RBPJ: variants seen among roughly 807,000 people sequenced by gnomAD.
RBPJ encodes the protein recombination signal binding protein for immunoglobulin kappa J region.
In RBPJ, 9 loss-of-function variants were observed where a neutral mutation model predicts 67.8. That is an observed-to-expected ratio of 0.13 (90% CI 0.08 to 0.23). RBPJ has a LOEUF of 0.23. Among genes scored for constraint, RBPJ ranks in the 10% least tolerant of loss-of-function variants. The probability of loss-of-function intolerance (pLI) is 1.00; values close to 1 mark genes in which losing one functional copy is unlikely to be tolerated. For missense variants in RBPJ, 305 were observed against 595.6 expected, an observed-to-expected ratio of 0.51 and a Z score of 5.08; for synonymous variants, 198 against 203.3, an observed-to-expected ratio of 0.97 and a Z score of 0.22.
At chr4:26,414,140 G>C (rs193060732) in intron 3 of RBPJ, among the ~76,000 whole-genome samples, 1 of 152,140 alleles carries the variant, frequency 6.6e-6, no homozygotes, top group Non-Finnish European at 1.5e-5. Context: ...AGAAGAGAAG[G>C]AAACTACTTC....
At chr4:26,134,929 G>A in the RBPJ span, among the ~76,000 whole-genome samples, 6 of 152,206 alleles carry the variant, frequency 3.9e-5, no homozygotes, top group African/African-American at 1.4e-4. Flanking sequence ...AAGGAAACTC[G>A]CCCTGAGACA....
At chr4:26,399,826 G>A (rs183025566) in intron 2 of RBPJ, among the ~76,000 whole-genome samples, 13 of 152,098 alleles carry the variant, frequency 8.5e-5, no homozygotes, top group Admixed American at 8.5e-4. Context: ...CTATAGGCGC[G>A]TGCCACCATG....
chr4:26,151,160 C>A, the RBPJ span, among the ~76,000 whole-genome samples: 22 of 152,266 alleles, frequency 1.4e-4, no homozygotes, highest in East Asian at 3.7e-3. Flanking sequence ...GGCCTTTGAT[C>A]CCTCAGTCTT....
chr4:26,267,897 G>A (rs561208429), intron 1 of RBPJ, among the ~76,000 whole-genome samples: 32 of 151,848 alleles, frequency 2.1e-4, no homozygotes, highest in Non-Finnish European at 3.5e-4. Flanking sequence ...CGTGAGCCAC[G>A]GCACCCGACC....
chr4:26,170,522 C>A (rs1430498502), intron 1 of RBPJ, among the ~76,000 whole-genome samples: 2 of 140,952 alleles, frequency 1.4e-5, no homozygotes, highest in African/African-American at 5.3e-5. Flanking sequence ...CCAGCCTGGG[C>A]AACAGAGTAA....
intron 1 of RBPJ, among the ~76,000 whole-genome samples, chr4:26,273,973 C>T (rs1352872261): frequency 6.6e-6 from 1 of 152,138 alleles, no homozygotes; most frequent in East Asian, 1.9e-4. Context: ...GTTCTTCTTC[C>T]ATTCCCCTGC....
At chr4:26,170,969 T>G (rs1408467806) in intron 1 of RBPJ, among the ~76,000 whole-genome samples, 1 of 152,242 alleles carries the variant, frequency 6.6e-6, no homozygotes, top group Non-Finnish European at 1.5e-5. Flanking sequence ...TAAGGTGCCA[T>G]GTAGCAGAAA....
intron 1 of RBPJ, among the ~76,000 whole-genome samples, chr4:26,310,143 AT>A (rs1423824358): frequency 1.3e-5 from 2 of 152,140 alleles, no homozygotes; most frequent in Non-Finnish European, 2.9e-5. Context: ...AACGGTGAAT[AT>A]TTATTTTTGT....
At chr4:26,292,836 T>C (rs1721717718) in intron 1 of RBPJ, among the ~76,000 whole-genome samples, 1 of 150,684 alleles carries the variant, frequency 6.6e-6, no homozygotes, top group Non-Finnish European at 1.5e-5. Flanking sequence ...TATATATGTG[T>C]ATCACAATTT....
chr4:26,176,831 C>G (rs572582384), intron 1 of RBPJ, among the ~76,000 whole-genome samples: 1 of 152,272 alleles, frequency 6.6e-6, no homozygotes, highest in African/African-American at 2.4e-5. Context: ...CAGAGCTCAG[C>G]GTGTGCAGCC....
intron 1 of RBPJ, among the ~76,000 whole-genome samples, chr4:26,246,067 A>G (rs1446281652): frequency 6.6e-6 from 1 of 152,278 alleles, no homozygotes; most frequent in East Asian, 1.9e-4. Context: ...TCCCACATGA[A>G]CTTTAGGATC....
At chr4:26,423,051 A>T (rs1255000537) in intron 5 of RBPJ, among the ~76,000 whole-genome samples, 3 of 152,220 alleles carry the variant, frequency 2.0e-5, no homozygotes, top group African/African-American at 7.2e-5. Context: ...TCCACGTACT[A>T]GATTTTGCTG....
the RBPJ span, among the ~76,000 whole-genome samples, chr4:26,156,414 C>CTTTTTTTTTTTTTTTT: frequency 2.1e-5 from 2 of 93,560 alleles, no homozygotes; most frequent in African/African-American, 4.0e-5. Flanking sequence ...TCTTTTCTTT[C>CTTTTTTTTTTTTTTTT]TTTTTTTTTT....
chr4:26,255,400 T>A (rs1434722436), intron 1 of RBPJ, among the ~76,000 whole-genome samples: 1 of 66,882 alleles, frequency 1.5e-5, no homozygotes. Context: ...CGAGACTCCG[T>A]CTCAAAAAAA....
intron 3 of RBPJ, among the ~76,000 whole-genome samples, chr4:26,406,520 A>G (rs1733427154): frequency 6.6e-6 from 1 of 152,224 alleles, no homozygotes; most frequent in African/African-American, 2.4e-5. Context: ...GGCAGTCTTT[A>G]CTTTCTGCAG....
intron 1 of RBPJ, among the ~76,000 whole-genome samples, chr4:26,365,370 T>C (rs867381638): frequency 6.6e-6 from 1 of 152,314 alleles, no homozygotes; most frequent in African/African-American, 2.4e-5. Context: ...ACTTTATCCA[T>C]GATCATCTTA....
chr4:26,301,126 A>G (rs1722060804), intron 1 of RBPJ, among the ~76,000 whole-genome samples: 1 of 152,214 alleles, frequency 6.6e-6, no homozygotes, highest in African/African-American at 2.4e-5. Flanking sequence ...GTTACTTATT[A>G]TTAACTACAA....
At chr4:26,260,260 C>T (rs1022547776) in intron 1 of RBPJ, among the ~76,000 whole-genome samples, 1 of 152,160 alleles carries the variant, frequency 6.6e-6, no homozygotes, top group African/African-American at 2.4e-5. Flanking sequence ...AAATACATAT[C>T]TTGTTTCATG....
chr4:26,127,586 A>G, the RBPJ span, among the ~76,000 whole-genome samples: 1 of 152,340 alleles, frequency 6.6e-6, no homozygotes, highest in African/African-American at 2.4e-5. Context: ...AGTATGTAAG[A>G]TGGAGTATAT....
Sources: gnomAD v4.1 joint callset for allele counts (sites outside exome capture counted in the v4.1 genomes callset) on GRCh38, gnomAD v4.1.1 for gene constraint, MANE v1.5 for transcripts, NCBI Gene and HGNC (gene_info 2026-07-23, HGNC 2026-07-21) for gene names.